ACOXL: variants seen among roughly 807,000 people sequenced by gnomAD.
ACOXL encodes the protein acyl-CoA oxidase like.
In ACOXL, 70 loss-of-function variants were observed where a neutral mutation model predicts 71.9. The observed-to-expected ratio is 0.97, with a 90% CI of 0.80 to 1.19. The LOEUF is 1.19. ACOXL is among the 50% of genes most tolerant of loss of function. ACOXL has a pLI of 0.00. For synonymous variants in ACOXL, 253 were observed against 281.6 expected (o/e 0.90, Z 1.02); for missense variants, 703 against 736.3 (o/e 0.95, Z 0.52).
chr2:110,851,779 ATC>A (rs2148931512), intron 10 of ACOXL, among the ~76,000 whole-genome samples: 1 of 152,342 alleles, frequency 6.6e-6, no homozygotes, highest in East Asian at 1.9e-4. Context: ...GGCATTGCTC[ATC>A]TCAACCACCT....
At chr2:110,807,506 T>C (rs1686814603) in intron 9 of ACOXL, among the ~76,000 whole-genome samples, 1 of 152,156 alleles carries the variant, frequency 6.6e-6, no homozygotes, top group African/African-American at 2.4e-5. Flanking sequence ...CAATGTGCAA[T>C]GTTTTGCAGA....
At chr2:111,009,714 A>C (rs762176550) in intron 14 of ACOXL, among the ~76,000 whole-genome samples, 11 of 152,094 alleles carry the variant, frequency 7.2e-5, no homozygotes, top group Non-Finnish European at 1.3e-4. Context: ...AGGGGTTTTA[A>C]AGTTGGAAGC....
rs1444841103 is a variant in ACOXL, at chr2:111,052,319, G to A, written c.1440+3031G>A. On this transcript the variant is annotated intron_variant, in intron 16 of 17. Coordinates refer to ENST00000439055, the MANE Select transcript of ACOXL (RefSeq NM_001142807.4). ...CCTTCAGCACCATGAGAGCACACACGGGAGGTGTGACTGCAGTGGAACCAT... is the reference window on the plus strand; with the variant it reads ...CCTTCAGCACCATGAGAGCACACACAGGAGGTGTGACTGCAGTGGAACCAT... Among the ~76,000 whole-genome samples, 3 of 152,136 alleles carry A rather than the reference G, an allele frequency of 2.0e-5. No homozygotes were observed. In the East Asian group the frequency reaches 5.8e-4, roughly 29 times the overall value.
chr2:110,842,609 T>C lies in ACOXL; in HGVS notation c.788+1204T>C, dbSNP rs536245244. 2.6e-5 allele frequency among the ~76,000 whole-genome samples: 4 copies of C among 152,218 alleles called. No individual in the cohort carries two copies. In the East Asian group the frequency reaches 7.7e-4, roughly 29 times the overall value. ...GAGATGGATAATTGGACAAAGAGGG[T>C]ATGATCTAATGGTGATAAACTGGGT... On this transcript the variant is annotated intron_variant, in intron 10 of 17. Transcript: ENST00000439055.
At chr2:110,854,879 C>T (rs1364399833) in intron 10 of ACOXL, among the ~76,000 whole-genome samples, 9 of 152,236 alleles carry the variant, frequency 5.9e-5, no homozygotes, top group African/African-American at 2.4e-5. Context: ...ACCCCACCTC[C>T]ACCTTCCCTG....
At chr2:110,797,523 T>C (rs56238232) in intron 5 of ACOXL, among the ~76,000 whole-genome samples, 1,862 of 152,272 alleles carry the variant, frequency 0.012, 43 homozygotes, top group African/African-American at 0.043. Context: ...TAAGCAGTGG[T>C]GGGAATAGGT....
At chr2:111,028,557 C>G (rs557086758) in intron 14 of ACOXL, among the ~76,000 whole-genome samples, 14 of 152,220 alleles carry the variant, frequency 9.2e-5, no homozygotes, top group South Asian at 6.2e-4. Flanking sequence ...TAACAGAATC[C>G]TCATCTTCTA....
chr2:110,832,022 C>CTAAA (rs113192575), intron 9 of ACOXL, among the ~76,000 whole-genome samples: 8 of 152,136 alleles, frequency 5.3e-5, no homozygotes, highest in South Asian at 4.2e-4. Context: ...GACCTCCTGT[C>CTAAA]TAAATAAATA....
At chr2:110,821,333 C>T (rs2105516987) in intron 9 of ACOXL, among the ~76,000 whole-genome samples, 1 of 152,148 alleles carries the variant, frequency 6.6e-6, no homozygotes, top group East Asian at 1.9e-4. Context: ...AATGAAGGTG[C>T]CAGCAGATCA....
chr2:110,866,065 A>G (rs906560208), intron 10 of ACOXL, among the ~76,000 whole-genome samples: 7 of 152,222 alleles, frequency 4.6e-5, no homozygotes, highest in African/African-American at 1.7e-4. Context: ...AAAAGGAAGA[A>G]TGATTCGGAA....
At chr2:111,082,951 A>G (rs1401558895) in intron 16 of ACOXL, among the ~76,000 whole-genome samples, 1 of 151,866 alleles carries the variant, frequency 6.6e-6, no homozygotes, top group East Asian at 1.9e-4. Context: ...ACCAAACATC[A>G]CATGTTCTCA....
chr2:110,788,235 C>T (rs1025241762), intron 3 of ACOXL, among the ~76,000 whole-genome samples: 2 of 152,162 alleles, frequency 1.3e-5, no homozygotes, highest in Admixed American at 1.3e-4. Flanking sequence ...TGGAAACAAG[C>T]CACATTTCCG....
At chr2:110,983,724 T>C (rs2062811824) in intron 12 of ACOXL, among the ~76,000 whole-genome samples, 1 of 152,224 alleles carries the variant, frequency 6.6e-6, no homozygotes, top group Admixed American at 6.5e-5. Flanking sequence ...ATGTTTCACT[T>C]TACAAAACAA....
In ACOXL at chr2:110,995,863, A is replaced by G. The variant is rs199542932; in HGVS notation, c.1170-30A>G. 5.0e-5 allele frequency: 78 copies of G among 1,570,338 alleles called. No individual in the cohort carries two copies. In the African/African-American group the frequency reaches 8.6e-4, roughly 17 times the overall value. On this transcript the variant is annotated intron_variant, in intron 13 of 17. Transcript: ENST00000439055. ...TGAAATTCTTGGTGAGGCCAAAATA[A>G]TAATGATGGTCACCGTGATTTTCTT...
chr2:110,771,509 G>A (rs1681925266), intron 2 of ACOXL, among the ~76,000 whole-genome samples: 1 of 152,162 alleles, frequency 6.6e-6, no homozygotes, highest in African/African-American at 2.4e-5. Context: ...AAATAAGAAG[G>A]GAGTCTCATT....
chr2:110,950,309 A>G (rs181315838), intron 12 of ACOXL, among the ~76,000 whole-genome samples: 13 of 152,204 alleles, frequency 8.5e-5, no homozygotes, highest in Non-Finnish European at 1.3e-4. Flanking sequence ...TTGTCAGGCA[A>G]ATTAGAGGGG....
In ACOXL at chr2:111,117,745, C is replaced by A. The variant is rs1052053337; in HGVS notation, c.1672C>A (p.Pro558Thr). ...SNPRAAWAFYPAPLQPRPREE... is the reference protein window; with the variant it reads ...SNPRAAWAFYTAPLQPRPREE... ...CCCGCGGGCCGCGTGGGCTTTCTACCCTGCACCGCTGCAGCCGCGGCCACG... is the reference window on the plus strand; with the variant it reads ...CCCGCGGGCCGCGTGGGCTTTCTACACTGCACCGCTGCAGCCGCGGCCACG... Residue 558 changes from proline to threonine, a missense_variant, in exon 18 of 18, where the codon CCT (proline) becomes ACT (threonine). Transcript: ENST00000439055. The A allele has an allele frequency of 6.4e-7, 1 of 1,551,610 alleles. No homozygotes were observed. Among genetic ancestry groups the A allele is most frequent in the Admixed American group, 2.0e-5 (1 of 51,010 alleles).
At chr2:110,967,933 A>C in intron 12 of ACOXL, 1 of 960,822 alleles carries the variant, frequency 1.0e-6, no homozygotes, top group Non-Finnish European at 1.7e-6. Flanking sequence ...CTATGCTCGG[A>C]AATACTTGGA....
At chr2:110,766,254 T>G (rs1473093857) in intron 1 of ACOXL, among the ~76,000 whole-genome samples, 1 of 152,228 alleles carries the variant, frequency 6.6e-6, no homozygotes, top group East Asian at 1.9e-4. Context: ...CATGAGCAAT[T>G]TTTTATTGTG....
Sources: allele counts gnomAD v4.1 joint callset (sites outside exome capture counted in the v4.1 genomes callset), GRCh38; gene constraint gnomAD v4.1.1; transcripts MANE v1.5; gene names NCBI Gene and HGNC (gene_info 2026-07-23, HGNC 2026-07-21).